The following USP31 variants were observed in gnomAD, a reference collection of about 807,000 sequenced individuals.
The protein encoded by USP31 is ubiquitin carboxyl-terminal hydrolase 31.
In USP31, 44 loss-of-function variants were observed where a neutral mutation model predicts 119.4. That is an observed-to-expected ratio of 0.37 (90% CI 0.29 to 0.47). The LOEUF (loss-of-function observed/expected upper bound fraction) is 0.47. Ranked by LOEUF, USP31 falls within the 20% of genes least tolerant of loss-of-function variation. The pLI, the probability that USP31 is intolerant of heterozygous loss-of-function variation, is 0.99. For missense variants in USP31, 1,643 were observed against 1,730.2 expected, an observed-to-expected ratio of 0.95 and a Z score of 0.89; for synonymous variants, 749 against 705.6, an observed-to-expected ratio of 1.06 and a Z score of -0.97.
At chr16:23,111,434 A>T (rs1251309268) in intron 1 of USP31, among the ~76,000 whole-genome samples, 1 of 152,224 alleles carries the variant, frequency 6.6e-6, no homozygotes, top group African/African-American at 2.4e-5. Flanking sequence ...GACAGAAAAT[A>T]AAAAAGGAGG....
chr16:23,122,381 G>A (rs1375905345), intron 1 of USP31, among the ~76,000 whole-genome samples: 1 of 152,186 alleles, frequency 6.6e-6, no homozygotes, highest in African/African-American at 2.4e-5. Context: ...AAATGGTATA[G>A]CAATGTTGGA....
At chr16:23,123,651 G>T (rs1902755083) in intron 1 of USP31, among the ~76,000 whole-genome samples, 1 of 152,162 alleles carries the variant, frequency 6.6e-6, no homozygotes, top group East Asian at 1.9e-4. Flanking sequence ...GTTTAGTTAA[G>T]TCTTATTTAG....
chr16:23,147,623 T>C (rs2141909252), intron 1 of USP31, among the ~76,000 whole-genome samples: 2 of 152,312 alleles, frequency 1.3e-5, no homozygotes, highest in East Asian at 3.9e-4. Flanking sequence ...AAAGGAGGGC[T>C]TGGCCAAGGG....
At position 23,072,141 on chromosome 16, in the gene USP31, G is replaced by A. The variant is rs2141829421; in HGVS notation, c.2392C>T (p.Pro798Ser). The change falls in exon 15 of 16, where the codon CCA becomes TCA. Residue 798 changes from proline (P) to serine (S), a missense_variant. Physicochemically the swap from Pro to Ser is moderately conservative, Grantham distance 74. Around this residue, in one of 5 missense-constraint regions of USP31, gnomAD observed 279 missense variants for 372.2 expected, o/e 0.75. Coordinates refer to ENST00000219689, the MANE Select transcript of USP31 (RefSeq NM_020718.4). ...HWVSRLPGSK[P>S]ASVTSAASSR... ...GAAGCTGCAGAGGTCACGCTGGCTGGCTTGCTGCCCGGGAGCCGGCTCACC... is the reference window on the plus strand; with the variant it reads ...GAAGCTGCAGAGGTCACGCTGGCTGACTTGCTGCCCGGGAGCCGGCTCACC... 1 of 1,612,226 alleles carries A rather than the reference G, an allele frequency of 6.2e-7. No individual in the cohort carries two copies. The highest frequency in any genetic ancestry group is 1.1e-5 in the South Asian group (1 of 91,082).
At chr16:23,078,460 G>A (rs1237671712) in intron 13 of USP31, among the ~76,000 whole-genome samples, 1 of 152,212 alleles carries the variant, frequency 6.6e-6, no homozygotes, top group East Asian at 1.9e-4. Context: ...TTTGTGACCT[G>A]TCTATCCACC....
intron 1 of USP31, among the ~76,000 whole-genome samples, chr16:23,134,690 A>C (rs1168870010): frequency 1.3e-5 from 2 of 149,084 alleles, no homozygotes; most frequent in Non-Finnish European, 3.0e-5. Flanking sequence ...AAAAAAAAAA[A>C]GAAAGAAAGA....
chr16:23,109,885 A>C (rs1194466282), intron 1 of USP31, among the ~76,000 whole-genome samples: 1 of 137,096 alleles, frequency 7.3e-6, no homozygotes, highest in Non-Finnish European at 1.6e-5. Flanking sequence ...TCTCAAAACT[A>C]TCAAGGTCAA....
intron 1 of USP31, among the ~76,000 whole-genome samples, chr16:23,122,973 A>G (rs1238222754): frequency 1.3e-5 from 2 of 152,222 alleles, no homozygotes; most frequent in Non-Finnish European, 2.9e-5. Context: ...TTAAAACAAT[A>G]TATACTTATT....
In USP31 at chr16:23,062,266, T is replaced by G. The variant is rs1355005502; in HGVS notation, c.*5780A>C. 2.0e-5 allele frequency: 3 copies of G among 152,310 alleles called. No individual in the cohort carries two copies. The highest frequency in any genetic ancestry group is 7.3e-5 in the African/African-American group (3 of 41,374). The allele number at this position is 152,310 out of a possible 1,614,324, so 9.4% of individuals were successfully genotyped here. On this transcript the variant is annotated 3_prime_UTR_variant, in exon 16 of 16. Coordinates refer to ENST00000219689, the MANE Select transcript of USP31 (RefSeq NM_020718.4). ...AGATTAAAACTAAATTTTATTTGCC[T>G]CCACAGTTAACACAGAGTGCCAAAT... is the stretch of plus-strand genomic sequence containing the variant.
chr16:23,103,852 T>C (rs758119937), intron 5 of USP31, among the ~76,000 whole-genome samples: 2 of 152,068 alleles, frequency 1.3e-5, no homozygotes, highest in Admixed American at 6.5e-5. Context: ...AAGGTTGAGG[T>C]TGCAGTGAGC....
chr16:23,144,810 A>T (rs1264564892), intron 1 of USP31, among the ~76,000 whole-genome samples: 1 of 152,160 alleles, frequency 6.6e-6, no homozygotes, highest in East Asian at 1.9e-4. Context: ...TATATTCAAA[A>T]TAATACCCAT....
intron 6 of USP31, among the ~76,000 whole-genome samples, chr16:23,094,619 GGCGGGT>G (rs1567233593): frequency 6.6e-6 from 1 of 152,162 alleles, no homozygotes; most frequent in Non-Finnish European, 1.5e-5. Context: ...ACCTCATACA[GGCGGGT>G]GCCTGTCTGG....
intron 13 of USP31, among the ~76,000 whole-genome samples, chr16:23,078,243 C>T (rs1004908043): frequency 2.9e-5 from 4 of 138,174 alleles, no homozygotes; most frequent in Non-Finnish European, 4.5e-5. Context: ...ACCCGGGAGG[C>T]GGAGGTTACA....
At chr16:23,097,335 T>C (rs569511641) in intron 6 of USP31, among the ~76,000 whole-genome samples, 6 of 152,292 alleles carry the variant, frequency 3.9e-5, no homozygotes, top group African/African-American at 1.4e-4. Flanking sequence ...GGCTCTGAAA[T>C]TGAGGCAATA....
chr16:23,112,345 G>C (rs1902345384), intron 1 of USP31, among the ~76,000 whole-genome samples: 1 of 152,150 alleles, frequency 6.6e-6, no homozygotes, highest in Admixed American at 6.5e-5. Flanking sequence ...TAGGGAGGCT[G>C]AGACAGGTGG....
intron 1 of USP31, among the ~76,000 whole-genome samples, chr16:23,112,034 G>A (rs1902335150): frequency 6.6e-6 from 1 of 152,038 alleles, no homozygotes; most frequent in South Asian, 2.1e-4. Context: ...AAAAACAAAG[G>A]GATATCACAG....
At position 23,067,902 on chromosome 16, in the gene USP31, C is replaced by A; in HGVS notation, c.*144G>T. On this transcript the variant is annotated 3_prime_UTR_variant, in exon 16 of 16. Transcript: ENST00000219689. Reference sequence around the variant, plus strand: ...AATTTGCAATTGAATTAGACACACACACGCATACACTCACACACACACACA... The same window carrying A: ...AATTTGCAATTGAATTAGACACACAAACGCATACACTCACACACACACACA... 6.9e-6 allele frequency: 7 copies of A among 1,019,612 alleles called. 1 individual carries two copies. The highest frequency in any genetic ancestry group is 8.3e-6 in the Non-Finnish European group (6 of 720,548). The allele number at this position is 1,019,612 out of a possible 1,614,324, so 63.2% of individuals were successfully genotyped here.
rs1386316462 is a variant in USP31 at position 23,068,095 on chromosome 16, A to G, written c.4010T>C (p.Leu1337Ser). 6.2e-7 allele frequency: 1 copy of G among 1,614,214 alleles called. No individual in the cohort carries two copies. The highest frequency in any genetic ancestry group is 1.1e-5 in the South Asian group (1 of 91,076). ...TGCAGAGGTTTGCATGCTAGAAGAT[A>G]ACTTTTTTGAGGATTTCTCTGCAGA... Reference protein sequence around the residue: ...RQSAEKSSKKLSSSMQTSARP... With the variant: ...RQSAEKSSKKSSSSMQTSARP... Residue 1337 changes from leucine to serine, a missense_variant, in exon 16 of 16, where the codon TTA (leucine) becomes TCA (serine). Leu to Ser is a moderately radical substitution (Grantham distance 145). Around this residue, in one of 5 missense-constraint regions of USP31, gnomAD observed 699 missense variants for 650.9 expected, o/e 1.07. Transcript: ENST00000219689.
chr16:23,082,535 C>T lies in USP31; in HGVS notation c.1853G>A (p.Arg618His), dbSNP rs369414341. 12 of 1,614,068 alleles carry T rather than the reference C, an allele frequency of 7.4e-6. No homozygotes were observed. The highest frequency in any genetic ancestry group is 2.2e-5 in the East Asian group (1 of 44,886). ...EERLAPDDAWRCPHCKQLQQG... is the reference protein window; with the variant it reads ...EERLAPDDAWHCPHCKQLQQG... ...CTGCAGCTGCTTACAGTGTGGGCAA[C>T]GCCAGGCATCATCGGGGGCAAGCTG... The change falls in exon 12 of 16, where the codon CGT becomes CAT. Residue 618 changes from arginine (R) to histidine (H), a missense_variant. Arg to His is a conservative substitution (Grantham distance 29). This residue lies in a region of USP31 where 279 missense variants were observed against 372.2 expected (regional missense o/e 0.75). Coordinates refer to ENST00000219689, the MANE Select transcript of USP31 (RefSeq NM_020718.4).
Sources: allele counts gnomAD v4.1 joint callset (sites outside exome capture counted in the v4.1 genomes callset), GRCh38; gene constraint gnomAD v4.1.1; regional missense constraint gnomAD v4.1.1; transcripts MANE v1.5; gene names NCBI Gene and HGNC (gene_info 2026-07-23, HGNC 2026-07-21).